The following SPAG17 variants were observed in gnomAD, a reference collection of about 807,000 sequenced individuals.
SPAG17 encodes sperm associated antigen 17, also known as sperm-associated antigen 17.
In SPAG17, 169 loss-of-function variants were observed where a neutral mutation model predicts 273.6. That is an observed-to-expected ratio of 0.62 (90% CI 0.55 to 0.70). SPAG17 has a LOEUF of 0.70. SPAG17 is among the 30% of genes least tolerant of loss of function. SPAG17 has a pLI of 0.00. For synonymous variants in SPAG17, 825 were observed against 873.2 expected (o/e 0.94, Z 0.97); for missense variants, 2,557 against 2,627.8 (o/e 0.97, Z 0.59).
At chr1:118,038,561 A>G (rs996433402) in intron 23 of SPAG17, among the ~76,000 whole-genome samples, 18 of 152,224 alleles carry the variant, frequency 1.2e-4, no homozygotes, top group African/African-American at 4.3e-4. Flanking sequence ...AAATTGTGGT[A>G]CATCTAGACA....
intron 3 of SPAG17, among the ~76,000 whole-genome samples, chr1:118,115,950 AG>A (rs1384800943): frequency 6.6e-6 from 1 of 152,226 alleles, no homozygotes; most frequent in Admixed American, 6.5e-5. Flanking sequence ...TTTGACACAA[AG>A]GCGCCATATG....
At position 118,093,200 on chromosome 1, in the gene SPAG17, C is replaced by G. The variant is rs777703747; in HGVS notation, c.1129G>C (p.Val377Leu). The G allele has an allele frequency of 1.2e-6, 2 of 1,613,780 alleles. No homozygotes were observed. Among genetic ancestry groups the G allele is most frequent in the Non-Finnish European group, 1.7e-6 (2 of 1,179,776 alleles). ...TCTAATACAGGTTTCTCATTAACCACTTGTGGAACATTAATAAGCTGCATG... is the reference window on the plus strand; with the variant it reads ...TCTAATACAGGTTTCTCATTAACCAGTTGTGGAACATTAATAAGCTGCATG... ...ESMQLINVPQVVNEKPVLEAM... is the reference protein window; with the variant it reads ...ESMQLINVPQLVNEKPVLEAM... Residue 377 changes from valine to leucine, a missense_variant, in exon 8 of 49, where the codon GTG becomes CTG. Coordinates refer to ENST00000336338, the MANE Select transcript of SPAG17 (RefSeq NM_206996.4).
intron 3 of SPAG17, among the ~76,000 whole-genome samples, chr1:118,127,990 C>T (rs891156864): frequency 3.6e-4 from 55 of 152,124 alleles, no homozygotes; most frequent in African/African-American, 1.2e-3. Context: ...GGCATGGTGG[C>T]GTATGCCTGT....
chr1:117,983,745 G>A (rs1189045763), intron 42 of SPAG17, 66 bp downstream of exon 42: 2 of 1,058,974 alleles, frequency 1.9e-6, no homozygotes, highest in Non-Finnish European at 1.4e-6. Flanking sequence ...TGTCCTAAGA[G>A]GCCACTGTTA....
chr1:118,024,263 T>C (rs1353649324), intron 27 of SPAG17, among the ~76,000 whole-genome samples: 10 of 152,098 alleles, frequency 6.6e-5, no homozygotes, highest in Admixed American at 6.6e-4. Flanking sequence ...ATATGGACCC[T>C]TTTTCCATAT....
chr1:118,004,388 GCTGCCTTTCGTTCAGCTAAGCC>G (rs1658637965), intron 32 of SPAG17, among the ~76,000 whole-genome samples: 1 of 152,244 alleles, frequency 6.6e-6, no homozygotes, highest in African/African-American at 2.4e-5. Context: ...GAAGTTGTCT[GCTGCCTTTCGTTCAGCTAAGCC>G]CTGCCCACAG....
Position 117,984,715 on chromosome 1 carries a change from T to G in SPAG17, c.5737A>C (p.Lys1913Gln), listed in dbSNP as rs1336945135. The G allele has an allele frequency of 1.2e-6, 2 of 1,609,856 alleles. No individual in the cohort carries two copies. The highest frequency in any genetic ancestry group is 1.7e-6 in the Non-Finnish European group (2 of 1,176,742). Residue 1913 changes from lysine (K) to glutamine (Q), a missense_variant, in exon 41 of 49, where the codon AAA becomes CAA. Physicochemically the swap from Lys to Gln is moderately conservative, Grantham distance 53. Transcript: ENST00000336338. ...IKNRIIPPFF[K>Q]SELNQLYQSQ... ...TGATATAACTGGTTCAATTCAGATTTAAAAAAGGGTGGTATTATGCGGTTC... is the reference window on the plus strand; with the variant it reads ...TGATATAACTGGTTCAATTCAGATTGAAAAAAGGGTGGTATTATGCGGTTC...
At chr1:118,157,408 G>A (rs1659708213) in intron 1 of SPAG17, among the ~76,000 whole-genome samples, 1 of 152,146 alleles carries the variant, frequency 6.6e-6, no homozygotes, top group Admixed American at 6.5e-5. Context: ...CTAGCCTTAA[G>A]TAATATCCTT....
In SPAG17 at chr1:118,012,402, T is replaced by C. The variant is rs535049159; in HGVS notation, c.4288-30A>G. 10 of 1,607,162 alleles carry C rather than the reference T, an allele frequency of 6.2e-6. No homozygotes were observed. In the East Asian group the frequency reaches 2.0e-4, roughly 32 times the overall value. On this transcript the variant is annotated intron_variant, in intron 29 of 48. Transcript: ENST00000336338. ...ACATGAAGAGGCAGGACATAATCATTTGGCCACATGGTTCATCCCAAGTGT... is the reference window on the plus strand; with the variant it reads ...ACATGAAGAGGCAGGACATAATCATCTGGCCACATGGTTCATCCCAAGTGT...
chr1:118,174,419 TAG>T (rs1660581864), intron 1 of SPAG17, among the ~76,000 whole-genome samples: 1 of 152,104 alleles, frequency 6.6e-6, no homozygotes, highest in Non-Finnish European at 1.5e-5. Context: ...TTTGAAATTA[TAG>T]AGTCTGATAA....
At chr1:118,066,396 C>T (rs1041694446) in intron 18 of SPAG17, among the ~76,000 whole-genome samples, 1 of 152,094 alleles carries the variant, frequency 6.6e-6, no homozygotes, top group African/African-American at 2.4e-5. Context: ...GTTAAAAAAA[C>T]CCAACATGCA....
At chr1:117,996,924 A>G (rs1019832193) in intron 32 of SPAG17, among the ~76,000 whole-genome samples, 181 bp from the exon 33 acceptor site, 4 of 152,164 alleles carry the variant, frequency 2.6e-5, no homozygotes, top group Admixed American at 2.6e-4. Flanking sequence ...ACCTAGCAGC[A>G]TAACTCTACT....
At chr1:118,092,690 T>TG (rs1655458028) in intron 8 of SPAG17, among the ~76,000 whole-genome samples, 1 of 152,202 alleles carries the variant, frequency 6.6e-6, no homozygotes. Flanking sequence ...TTAGATCAGG[T>TG]GACCAAGTTT....
chr1:118,036,922 T>C, intron 23 of SPAG17, 39 bp from the exon 24 acceptor site: 2 of 1,403,824 alleles, frequency 1.4e-6, no homozygotes, highest in Admixed American at 2.0e-5. Context: ...TTTCATTTAA[T>C]TCAAAATAAA....
chr1:118,172,310 A>G (rs1660452383), intron 1 of SPAG17, among the ~76,000 whole-genome samples: 1 of 152,254 alleles, frequency 6.6e-6, no homozygotes, highest in South Asian at 2.1e-4. Flanking sequence ...CTTGAGTATT[A>G]GGAAACTGAA....
At chr1:117,986,143 A>G (rs529787002) in intron 40 of SPAG17, among the ~76,000 whole-genome samples, 13 of 152,306 alleles carry the variant, frequency 8.5e-5, no homozygotes, top group African/African-American at 3.1e-4. Context: ...ACCTGTCTGG[A>G]AATATCAGAC....
At position 118,004,398 on chromosome 1, in the gene SPAG17, G is replaced by A. The variant is rs568080505; in HGVS notation, c.4776+1016C>T. Among the ~76,000 whole-genome samples the A allele has an allele frequency of 1.3e-3, 203 of 152,332 alleles. 1 individual carries two copies. Among genetic ancestry groups the A allele is most frequent in the Admixed American group, 2.0e-3 (30 of 15,300 alleles). ...CTGCAGAAGTTGTCTGCTGCCTTTCGTTCAGCTAAGCCCTGCCCACAGAGG... is the reference window on the plus strand; with the variant it reads ...CTGCAGAAGTTGTCTGCTGCCTTTCATTCAGCTAAGCCCTGCCCACAGAGG... On this transcript the variant is annotated intron_variant, in intron 32 of 48. Transcript: ENST00000336338.
At chr1:118,151,460 C>A in intron 1 of SPAG17, 91 bp from the exon 2 acceptor site, 1 of 1,254,436 alleles carries the variant, frequency 8.0e-7, no homozygotes, top group Non-Finnish European at 1.1e-6. Context: ...AATAATTTTC[C>A]TGTAAATCTT....
intron 13 of SPAG17, among the ~76,000 whole-genome samples, chr1:118,083,514 C>T (rs12021566): frequency 0.061 from 9,315 of 151,984 alleles, 451 homozygotes; most frequent in East Asian, 0.27. Context: ...CGGTGGGGCG[C>T]GGTGGCTCGC....
Sources: gnomAD v4.1 joint callset for allele counts (sites outside exome capture counted in the v4.1 genomes callset) on GRCh38, gnomAD v4.1.1 for gene constraint, MANE v1.5 for transcripts, NCBI Gene and HGNC (gene_info 2026-07-23, HGNC 2026-07-21) for gene names.